Variants in CHCHD3 observed in about 807,000 individuals in gnomAD.
CHCHD3 encodes coiled-coil-helix-coiled-coil-helix domain containing 3, also known as MICOS complex subunit MIC19.
A neutral mutation model predicts 38.2 loss-of-function variants in CHCHD3; 20 were observed. The observed-to-expected ratio is 0.52, with a 90% CI of 0.37 to 0.76. CHCHD3 has a LOEUF of 0.76. Among genes scored for constraint, CHCHD3 ranks in the 30% least tolerant of loss-of-function variants. CHCHD3 has a pLI of 0.00. For synonymous variants in CHCHD3, 82 were observed against 100.0 expected, an observed-to-expected ratio of 0.82 and a Z score of 1.07; for missense variants, 245 against 279.2, an observed-to-expected ratio of 0.88 and a Z score of 0.87.
intron 5 of CHCHD3, among the ~76,000 whole-genome samples, chr7:132,847,951 G>C (rs1333682528): frequency 1.3e-5 from 2 of 152,238 alleles, no homozygotes; most frequent in East Asian, 3.9e-4. Context: ...TTAAATTCTG[G>C]TGGCCTGACA....
intron 4 of CHCHD3, among the ~76,000 whole-genome samples, chr7:132,905,934 T>A (rs1161774152): frequency 6.6e-6 from 1 of 152,170 alleles, no homozygotes; most frequent in Non-Finnish European, 1.5e-5. Context: ...TAAGCATAAA[T>A]AACCAAGACA....
chr7:132,904,068 C>A (rs558538144), intron 4 of CHCHD3, among the ~76,000 whole-genome samples: 1 of 151,752 alleles, frequency 6.6e-6, no homozygotes, highest in Non-Finnish European at 1.5e-5. Context: ...AAGACCAGCC[C>A]GGGCAACATG....
At chr7:133,008,731 G>A (rs1330880081) in intron 3 of CHCHD3, among the ~76,000 whole-genome samples, 2 of 152,054 alleles carry the variant, frequency 1.3e-5, no homozygotes, top group Non-Finnish European at 2.9e-5. Flanking sequence ...GAATCAATAG[G>A]AGGCTTTAAA....
At chr7:132,947,441 T>G (rs909625555) in intron 4 of CHCHD3, among the ~76,000 whole-genome samples, 1 of 151,870 alleles carries the variant, frequency 6.6e-6, no homozygotes, top group Non-Finnish European at 1.5e-5. Context: ...CCAGTAAGCA[T>G]GTAAAATAAA....
intron 3 of CHCHD3, among the ~76,000 whole-genome samples, chr7:132,978,769 A>G (rs1811840762): frequency 6.6e-6 from 1 of 152,142 alleles, no homozygotes; most frequent in Non-Finnish European, 1.5e-5. Flanking sequence ...TCCAACATCA[A>G]CACCTAACTA....
At chr7:132,825,908 A>G (rs950610411) in intron 6 of CHCHD3, among the ~76,000 whole-genome samples, 1 of 152,184 alleles carries the variant, frequency 6.6e-6, no homozygotes, top group Non-Finnish European at 1.5e-5. Context: ...TGATGGCTTC[A>G]TAGTTGGAGG....
intron 6 of CHCHD3, among the ~76,000 whole-genome samples, chr7:132,827,980 T>C (rs1311323210): frequency 2.0e-5 from 3 of 152,172 alleles, no homozygotes; most frequent in Non-Finnish European, 2.9e-5. Context: ...TACCACTGAG[T>C]TGAGTGGAAT....
chr7:133,073,169 C>T lies in CHCHD3; in HGVS notation c.82-2940G>A, dbSNP rs117007879. ...AGCATCTAACACCTCTGGCCACTCCCGTCTTCTGGAAAGCCCTCCCTTGGC... is the reference window on the plus strand; with the variant it reads ...AGCATCTAACACCTCTGGCCACTCCTGTCTTCTGGAAAGCCCTCCCTTGGC... On this transcript the variant is annotated intron_variant, in intron 1 of 7. Coordinates refer to ENST00000262570, the MANE Select transcript of CHCHD3 (RefSeq NM_017812.4). Among the ~76,000 whole-genome samples the T allele has an allele frequency of 8.0e-3, 1,220 of 152,114 alleles. 14 individuals carry two copies. The highest frequency in any genetic ancestry group is 0.041 in the Middle Eastern group (12 of 290).
At chr7:132,903,721 T>G (rs971149936) in intron 4 of CHCHD3, among the ~76,000 whole-genome samples, 1 of 152,226 alleles carries the variant, frequency 6.6e-6, no homozygotes, top group Non-Finnish European at 1.5e-5. Flanking sequence ...TAATTACATA[T>G]TGCCTTTCTG....
chr7:132,863,995 A>C (rs1341098392), intron 5 of CHCHD3, among the ~76,000 whole-genome samples: 1 of 152,220 alleles, frequency 6.6e-6, no homozygotes. Context: ...GCAGTAATAA[A>C]GCTGTTTCAC....
chr7:132,983,985 C>CCTCTCCCCACGG (rs1554397326), intron 3 of CHCHD3, among the ~76,000 whole-genome samples: 5 of 73,428 alleles, frequency 6.8e-5, no homozygotes, highest in African/African-American at 1.7e-4. Flanking sequence ...CCTCTCCCTC[C>CCTCTCCCCACGG]TCTCCCTCTC....
intron 5 of CHCHD3, among the ~76,000 whole-genome samples, chr7:132,838,920 ATGG>A (rs1220793939): frequency 6.6e-6 from 1 of 152,124 alleles, no homozygotes; most frequent in Non-Finnish European, 1.5e-5. Context: ...TCAAGATGGT[ATGG>A]CTCATGCCTA....
intron 2 of CHCHD3, among the ~76,000 whole-genome samples, chr7:133,049,031 AG>A (rs1319793950): frequency 1.3e-5 from 2 of 152,236 alleles, no homozygotes; most frequent in African/African-American, 4.8e-5. Flanking sequence ...ACCACAGAAA[AG>A]TTGTAAGAAT....
intron 5 of CHCHD3, among the ~76,000 whole-genome samples, chr7:132,883,152 C>A (rs1809113479): frequency 6.6e-6 from 1 of 152,172 alleles, no homozygotes; most frequent in Non-Finnish European, 1.5e-5. Flanking sequence ...AATTAAACTT[C>A]TTCCCTTCAT....
intron 5 of CHCHD3, among the ~76,000 whole-genome samples, chr7:132,860,970 C>T (rs1808476342): frequency 6.6e-6 from 1 of 152,082 alleles, no homozygotes; most frequent in African/African-American, 2.4e-5. Flanking sequence ...GGAAAATAGA[C>T]AGTGGTGGAG....
chr7:132,869,703 T>C (rs760689725), intron 5 of CHCHD3, among the ~76,000 whole-genome samples: 25 of 151,858 alleles, frequency 1.6e-4, no homozygotes, highest in Non-Finnish European at 3.4e-4. Context: ...CCTCCTTCAG[T>C]TTCCCGAGTA....
intron 2 of CHCHD3, among the ~76,000 whole-genome samples, chr7:133,048,133 A>C (rs937471966): frequency 6.6e-6 from 1 of 151,808 alleles, no homozygotes; most frequent in East Asian, 1.9e-4. Context: ...GTCTGATCCT[A>C]GGTTAAATAA....
At chr7:132,904,646 C>G (rs1030233103) in intron 4 of CHCHD3, among the ~76,000 whole-genome samples, 3 of 152,156 alleles carry the variant, frequency 2.0e-5, no homozygotes, top group African/African-American at 7.2e-5. Context: ...GTTGGTGGGA[C>G]TGCAAACTAG....
chr7:133,017,115 A>T (rs763820019), intron 3 of CHCHD3, among the ~76,000 whole-genome samples: 4 of 152,236 alleles, frequency 2.6e-5, no homozygotes, highest in African/African-American at 9.6e-5. Flanking sequence ...AAGGAAAAAG[A>T]AGAAAATAGG....
Sources: allele counts gnomAD v4.1 joint callset (sites outside exome capture counted in the v4.1 genomes callset), GRCh38; gene constraint gnomAD v4.1.1; transcripts MANE v1.5; gene names NCBI Gene and HGNC (gene_info 2026-07-23, HGNC 2026-07-21).